The following KDM4C variants were observed in gnomAD, a reference collection of about 807,000 sequenced individuals.
KDM4C encodes the protein lysine-specific demethylase 4C.
KDM4C carries 81 observed loss-of-function variants against 129.3 expected under a neutral mutation model. That is an observed-to-expected ratio of 0.63 (90% confidence interval 0.52 to 0.75). The LOEUF is 0.75. KDM4C is among the 30% of genes least tolerant of loss of function. KDM4C has a pLI of 0.00. For synonymous variants in KDM4C, 573 were observed against 456.1 expected (o/e 1.26, Z -3.26); for missense variants, 1,457 against 1,304.0 (o/e 1.12, Z -1.81).
Position 6,990,431 on chromosome 9 carries a change from A to G in KDM4C, c.1693A>G (p.Asn565Asp). 1 of 1,612,672 alleles carries G rather than the reference A, an allele frequency of 6.2e-7. No homozygotes were observed. The highest frequency in any genetic ancestry group is 8.5e-7 in the Non-Finnish European group (1 of 1,179,138). ...CTATAACTAGATAGCAGAGGGAGAG[A>G]ACAAAACCTCTAAGAGTTGGCGCCA... ...FKVPSIAEGENKTSKSWRHPL... is the reference protein window; with the variant it reads ...FKVPSIAEGEDKTSKSWRHPL... The change falls in exon 12 of 22, where the codon AAC becomes GAC. Residue 565 changes from asparagine to aspartate, a missense_variant. Transcript: ENST00000381309.
At chr9:6,835,855 A>G (rs1243628559) in intron 4 of KDM4C, among the ~76,000 whole-genome samples, 2 of 151,958 alleles carry the variant, frequency 1.3e-5, no homozygotes, top group African/African-American at 2.4e-5. Flanking sequence ...CGTGAGATGC[A>G]TTGTTACAGG....
At chr9:7,118,607 A>G (rs1312098302) in intron 18 of KDM4C, among the ~76,000 whole-genome samples, 1 of 152,230 alleles carries the variant, frequency 6.6e-6, no homozygotes, top group African/African-American at 2.4e-5. Context: ...ATTCATAGAA[A>G]TTAAGGATAA....
intron 8 of KDM4C, among the ~76,000 whole-genome samples, chr9:6,895,248 C>G (rs973449780): frequency 3.9e-5 from 6 of 152,190 alleles, no homozygotes; most frequent in African/African-American, 1.4e-4. Flanking sequence ...TTGGTCTCAC[C>G]AGTTAAATGT....
intron 15 of KDM4C, among the ~76,000 whole-genome samples, chr9:7,018,879 C>A (rs1824158962): frequency 6.6e-6 from 1 of 152,136 alleles, no homozygotes; most frequent in African/African-American, 2.4e-5. Flanking sequence ...TACAATCTTG[C>A]TATTTGTATT....
At chr9:7,165,554 ACT>A (rs1407447505) in intron 20 of KDM4C, among the ~76,000 whole-genome samples, 197 bp downstream of exon 20, 1 of 152,230 alleles carries the variant, frequency 6.6e-6, no homozygotes, top group Non-Finnish European at 1.5e-5. Context: ...ACACTGGGAA[ACT>A]CTTAACAGCA....
rs183501364 is a variant in KDM4C at position 6,839,116 on chromosome 9, A to T, written c.436-10391A>T. ...TAGCCTAGCTTTAAGTTGCCAGCAC[A>T]GTAGTGGAGTTTGGTGGATGGTCTT... On this transcript the variant is annotated intron_variant, in intron 4 of 21. Coordinates refer to ENST00000381309, the MANE Select transcript of KDM4C (RefSeq NM_015061.6). Among the ~76,000 whole-genome samples the T allele has an allele frequency of 2.3e-3, 344 of 152,318 alleles. 2 individuals carry two copies. The highest frequency in any genetic ancestry group is 3.9e-3 in the Non-Finnish European group (268 of 68,030).
rs140691243 is a variant in KDM4C, at chr9:6,937,340, A to T, written c.922-43585A>T. Among the ~76,000 whole-genome samples the T allele has an allele frequency of 4.2e-3, 637 of 152,250 alleles. 4 individuals are homozygous for T. Among genetic ancestry groups the T allele is most frequent in the African/African-American group, 0.014 (579 of 41,540 alleles). ...AAATAGCCAGTGGTGAAAGGTAAAT[A>T]GTTCATTGGTGCATGGCAGAGCCTT... On this transcript the variant is annotated intron_variant, in intron 8 of 21. Transcript: ENST00000381309.
At chr9:6,773,821 A>G (rs1822419710) in intron 1 of KDM4C, among the ~76,000 whole-genome samples, 1 of 152,066 alleles carries the variant, frequency 6.6e-6, no homozygotes, top group Non-Finnish European at 1.5e-5. Context: ...TGGTTGTATA[A>G]TACAGTAAGA....
intron 8 of KDM4C, among the ~76,000 whole-genome samples, chr9:6,973,583 C>T (rs984013011): frequency 2.0e-5 from 3 of 152,140 alleles, no homozygotes; most frequent in African/African-American, 7.2e-5. Flanking sequence ...TGACATATAG[C>T]ATTTAAAAAT....
At chr9:7,088,572 A>G (rs976878243) in intron 17 of KDM4C, among the ~76,000 whole-genome samples, 1 of 152,160 alleles carries the variant, frequency 6.6e-6, no homozygotes. Context: ...TTCCTTCAAC[A>G]TATGAGGGGT....
At chr9:6,870,451 G>A (rs113111195) in intron 5 of KDM4C, among the ~76,000 whole-genome samples, 94 of 152,164 alleles carry the variant, frequency 6.2e-4, no homozygotes, top group African/African-American at 2.1e-3. Flanking sequence ...GTGAAGAGAT[G>A]CCTGTAAGGA....
At chr9:6,806,604 G>C (rs1328998391) in intron 3 of KDM4C, among the ~76,000 whole-genome samples, 1 of 152,046 alleles carries the variant, frequency 6.6e-6, no homozygotes, top group Non-Finnish European at 1.5e-5. Flanking sequence ...TTCAGATTCT[G>C]CCTCAGGGTC....
intron 4 of KDM4C, among the ~76,000 whole-genome samples, chr9:6,829,447 G>T (rs1020534107): frequency 2.6e-5 from 4 of 152,230 alleles, no homozygotes; most frequent in African/African-American, 9.6e-5. Flanking sequence ...GAGGTGAAAA[G>T]TGAGAGTTTT....
chr9:6,798,688 C>A (rs1007294506), intron 2 of KDM4C, among the ~76,000 whole-genome samples: 1 of 151,910 alleles, frequency 6.6e-6, no homozygotes, highest in Non-Finnish European at 1.5e-5. Context: ...TTTTCCCCAC[C>A]TTTCCCCCTT....
chr9:6,972,015 T>C (rs1832065325), intron 8 of KDM4C, among the ~76,000 whole-genome samples: 1 of 152,122 alleles, frequency 6.6e-6, no homozygotes, highest in African/African-American at 2.4e-5. Context: ...TCACCGAGTG[T>C]AGGTTTTAGT....
intron 2 of KDM4C, among the ~76,000 whole-genome samples, chr9:6,801,617 T>C (rs1201791067): frequency 2.8e-5 from 4 of 145,342 alleles, no homozygotes; most frequent in Non-Finnish European, 6.0e-5. Flanking sequence ...TGTGCAGATA[T>C]GCTCTCTCTC....
chr9:7,015,708 C>T (rs1823532817), intron 14 of KDM4C, 145 bp from the exon 15 acceptor site: 2 of 447,112 alleles, frequency 4.5e-6, no homozygotes, highest in Non-Finnish European at 8.2e-6. Flanking sequence ...CTCACATTCA[C>T]CTTGCTTATG....
intron 19 of KDM4C, among the ~76,000 whole-genome samples, chr9:7,151,371 T>A (rs1324545703): frequency 6.7e-6 from 1 of 148,886 alleles, no homozygotes. Context: ...CATCTTGGAG[T>A]TCAGAAAGGG....
intron 17 of KDM4C, among the ~76,000 whole-genome samples, chr9:7,072,742 A>G (rs1833376492): frequency 6.6e-6 from 1 of 152,234 alleles, no homozygotes; most frequent in Non-Finnish European, 1.5e-5. Context: ...TATACACACT[A>G]AAGGATGAAC....
Sources: gnomAD v4.1 joint callset for allele counts (sites outside exome capture counted in the v4.1 genomes callset) on GRCh38, gnomAD v4.1.1 for gene constraint, MANE v1.5 for transcripts, NCBI Gene and HGNC (gene_info 2026-07-23, HGNC 2026-07-21) for gene names.